PKD1L1: variants seen among roughly 807,000 people sequenced by gnomAD.
PKD1L1 encodes polycystin-1-like protein 1.
In PKD1L1, 236 loss-of-function variants were observed where a neutral mutation model predicts 323.4. The observed-to-expected ratio is 0.73, with a 90% CI of 0.66 to 0.81. PKD1L1 has a LOEUF of 0.81. Among genes scored for constraint, PKD1L1 ranks in the 40% least tolerant of loss-of-function variants. The pLI, the probability that PKD1L1 is intolerant of heterozygous loss-of-function variation, is 0.00. For missense variants in PKD1L1, 3,320 were observed against 3,508.0 expected (o/e 0.95, Z 1.35); for synonymous variants, 1,344 against 1,335.0 (o/e 1.01, Z -0.15).
In PKD1L1 at chr7:47,907,973, C is replaced by T. The variant is rs141618665; in HGVS notation, c.1402+104G>A. 1,541 of 1,133,400 alleles carry T rather than the reference C, an allele frequency of 1.4e-3. 50 individuals carry two copies. The Admixed American group carries it at 0.043, about 31-fold the overall frequency. The allele number at this position is 1,133,400 out of a possible 1,614,324, so 70.2% of individuals were successfully genotyped here. On this transcript the variant is annotated intron_variant, in intron 9 of 56. Coordinates refer to ENST00000289672, the MANE Select transcript of PKD1L1 (RefSeq NM_138295.5). ...GAAGAATGAATGAAGGATGTTGTATCAAATTTAGAACTGCTATAACTTGAA... is the reference window on the plus strand; with the variant it reads ...GAAGAATGAATGAAGGATGTTGTATTAAATTTAGAACTGCTATAACTTGAA...
chr7:47,890,847 A>T (rs1455799831), intron 15 of PKD1L1, 84 bp from the exon 16 acceptor site: 11 of 1,225,322 alleles, frequency 9.0e-6, no homozygotes, highest in Non-Finnish European at 3.5e-6. Flanking sequence ...GGTTTTCCCC[A>T]GGTGAGGGGG....
chr7:47,908,242 A>G lies in PKD1L1; in HGVS notation c.1237T>C (p.Tyr413His), dbSNP rs200121935. The change falls in exon 9 of 57, where the codon TAT becomes CAT. Residue 413 changes from tyrosine to histidine, a missense_variant. Transcript: ENST00000289672. ...LISAFVTKGV[Y>H]MLKAVIYNEF... ...TTATAAATAACAGCCTTGAGCATAT[A>G]GACTCCTTCTGGAAAAATAAGAATG... 9.9e-5 allele frequency: 159 copies of G among 1,611,458 alleles called. No individual in the cohort carries two copies. In the East Asian group the frequency reaches 3.2e-3, roughly 33 times the overall value.
chr7:47,840,644 G>A lies in PKD1L1; in HGVS notation c.5446-77C>T, dbSNP rs1785547734. On this transcript the variant is annotated intron_variant, in intron 34 of 56. Transcript: ENST00000289672. The surrounding 1 kb of genome is among the most constrained non-coding windows in gnomAD (Gnocchi z 4.1). ...ATGCAATGCTGGGCAGGGCTTCCTCGCACTTTCTCCCAGCGTCCCACCCTT... is the reference window on the plus strand; with the variant it reads ...ATGCAATGCTGGGCAGGGCTTCCTCACACTTTCTCCCAGCGTCCCACCCTT... 4 of 1,147,802 alleles carry A rather than the reference G, an allele frequency of 3.5e-6. No individual in the cohort carries two copies. The highest frequency in any genetic ancestry group is 1.5e-5 in the African/African-American group (1 of 65,980). The allele number at this position is 1,147,802 out of a possible 1,614,324, so 71.1% of individuals were successfully genotyped here. A position where few individuals can be genotyped will look rare whatever the true frequency, so the allele number is the denominator to read the frequency against.
chr7:47,787,240 C>G (rs1008807621), intron 56 of PKD1L1, among the ~76,000 whole-genome samples: 1 of 151,964 alleles, frequency 6.6e-6, no homozygotes, highest in African/African-American at 2.4e-5. Flanking sequence ...GTTGCAGAAA[C>G]TTGAGTTCTG....
chr7:47,782,084 T>C (rs57776866), intron 56 of PKD1L1, among the ~76,000 whole-genome samples: 1 of 151,970 alleles, frequency 6.6e-6, no homozygotes, highest in Non-Finnish European at 1.5e-5. Flanking sequence ...TGTGGCTGCA[T>C]AGTATAGTAT....
At chr7:47,897,701 C>T (rs1786987180) in intron 14 of PKD1L1, among the ~76,000 whole-genome samples, 1 of 152,186 alleles carries the variant, frequency 6.6e-6, no homozygotes, top group Admixed American at 6.5e-5. Flanking sequence ...TCCTGACATC[C>T]CGGCACCAGC....
chr7:47,818,059 C>T (rs1785058491), intron 46 of PKD1L1: 1 of 1,367,652 alleles, frequency 7.3e-7, no homozygotes, highest in South Asian at 1.1e-5. Context: ...TAACTCTGGA[C>T]TTCTCTACAA....
At position 47,902,256 on chromosome 7, in the gene PKD1L1, A is replaced by G. The variant is rs980408463; in HGVS notation, c.2064+123T>C. The G allele has an allele frequency of 9.6e-6, 13 of 1,353,048 alleles. No individual in the cohort carries two copies. In the African/African-American group the frequency reaches 1.9e-4, roughly 20 times the overall value. 83.8% of individuals were successfully genotyped at this position (1,353,048 alleles called of 1,614,324 possible). A position where few individuals can be genotyped will look rare whatever the true frequency, so the allele number is the denominator to read the frequency against. On this transcript the variant is annotated intron_variant, in intron 13 of 56. Coordinates refer to ENST00000289672, the MANE Select transcript of PKD1L1 (RefSeq NM_138295.5). ...ATAGGCACTCCTTTGTGTAAATTGC[A>G]GTAGGATAAACTGGACAAAGCCTCG...
At chr7:47,889,495 A>G (rs919858695) in intron 16 of PKD1L1, among the ~76,000 whole-genome samples, 2 of 152,168 alleles carry the variant, frequency 1.3e-5, no homozygotes, top group Non-Finnish European at 2.9e-5. Flanking sequence ...CTCCCTGGGC[A>G]GTGCTGTATG....
chr7:47,926,143 C>T (rs10235326), intron 7 of PKD1L1, among the ~76,000 whole-genome samples: 10,592 of 152,246 alleles, frequency 0.07, 1,226 homozygotes, highest in African/African-American at 0.24. Flanking sequence ...GAGTCTGGCA[C>T]CTTTTAAAGG....
At chr7:47,896,410 G>T (rs1405162747) in intron 14 of PKD1L1, among the ~76,000 whole-genome samples, 1 of 149,636 alleles carries the variant, frequency 6.7e-6, no homozygotes, top group Non-Finnish European at 1.5e-5. Flanking sequence ...TTGGTCAGTT[G>T]TTGTGTCTAA....
At chr7:47,906,077 A>T (rs748594943) in intron 9 of PKD1L1, 115 bp from the exon 10 acceptor site, 9 of 1,057,604 alleles carry the variant, frequency 8.5e-6, no homozygotes, top group Non-Finnish European at 9.1e-6. Context: ...AATCTCAATA[A>T]ATTTCAAAAT....
At chr7:47,952,289 G>T (rs542287533), upstream of PKD1L1, among the ~76,000 whole-genome samples, 1 of 152,168 alleles carries the variant, frequency 6.6e-6, no homozygotes, top group Admixed American at 6.5e-5. Context: ...AGGAGAGCAG[G>T]GGCAAGGCTG....
In PKD1L1 at chr7:47,948,410, C is replaced by T. The variant is rs778661029; in HGVS notation, c.31G>A (p.Asp11Asn). MAEEAAQNIS[D>N]DQERCLQAAC... ...GTGATAACTCACCTTTCCTGGTCAT[C>T]AGAAATGTTCTGGGCTGCCTCCTCG... The change falls in exon 1 of 57, where the codon GAT becomes AAT. Residue 11 changes from aspartate to asparagine, a missense_variant. Physicochemically the swap from Asp to Asn is conservative, Grantham distance 23. Coordinates refer to ENST00000289672, the MANE Select transcript of PKD1L1 (RefSeq NM_138295.5). The T allele has an allele frequency of 1.2e-6, 2 of 1,614,118 alleles. No individual in the cohort carries two copies. Among genetic ancestry groups the T allele is most frequent in the East Asian group, 4.5e-5 (2 of 44,876 alleles).
In PKD1L1 at chr7:47,866,488, G is replaced by T. The variant is rs1337427350; in HGVS notation, c.4023C>A (p.Ser1341=). 6 of 1,613,808 alleles carry T rather than the reference G, an allele frequency of 3.7e-6. No homozygotes were observed. Among genetic ancestry groups the T allele is most frequent in the Non-Finnish European group, 5.1e-6 (6 of 1,179,950 alleles). Residue 1341 remains serine, a synonymous_variant, in exon 25 of 57, where the codon TCC becomes TCA. Transcript: ENST00000289672. ...SRLSKEDKTA[S]CNQWSRIQDA... ...CCTGTATTCGTGACCATTGGTTGCA[G>T]GAGGCAGTTTTGTCCTCCTTAGACA...
intron 23 of PKD1L1, among the ~76,000 whole-genome samples, chr7:47,875,754 T>C (rs1310343781): frequency 6.6e-6 from 1 of 152,246 alleles, no homozygotes; most frequent in Non-Finnish European, 1.5e-5. Flanking sequence ...TGGTTTCATC[T>C]ATAATAAATG....
At chr7:47,877,688 G>T in intron 21 of PKD1L1, 57 bp from the exon 22 acceptor site, 1 of 1,582,036 alleles carries the variant, frequency 6.3e-7, no homozygotes, top group South Asian at 1.2e-5. Context: ...CAGCAGCATA[G>T]GAATAAGTTT....
At chr7:47,843,256 A>G (rs1583614214) in intron 33 of PKD1L1, 87 bp from the exon 34 acceptor site, 1 of 1,005,796 alleles carries the variant, frequency 9.9e-7, no homozygotes, top group South Asian at 1.7e-5. Flanking sequence ...AGCCCCTTAC[A>G]CACAAAAGTC....
At chr7:47,789,620 T>G (rs557881637) in intron 56 of PKD1L1, among the ~76,000 whole-genome samples, 2 of 152,202 alleles carry the variant, frequency 1.3e-5, no homozygotes, top group Non-Finnish European at 2.9e-5. Flanking sequence ...AACACACACT[T>G]AGTTTACTTT....
Sources: gnomAD v4.1 joint callset for allele counts (sites outside exome capture counted in the v4.1 genomes callset) on GRCh38, gnomAD v4.1.1 for gene constraint, Gnocchi (gnomAD v3.1) non-coding constraint, MANE v1.5 for transcripts, NCBI Gene and HGNC (gene_info 2026-07-23, HGNC 2026-07-21) for gene names.